Variants in WDR7 observed in about 807,000 individuals in gnomAD.
WDR7 encodes WD repeat domain 7.
A neutral mutation model predicts 169.4 loss-of-function variants in WDR7; 46 were observed. The ratio of observed to expected loss-of-function variants is 0.27; its 90% CI spans 0.21 to 0.35. The LOEUF is 0.35. WDR7 is among the 10% of genes least tolerant of loss of function. WDR7 has a pLI of 1.00. For synonymous variants in WDR7, 612 were observed against 666.8 expected (o/e 0.92, Z 1.27); for missense variants, 1,534 against 1,859.3 (o/e 0.83, Z 3.22).
intron 19 of WDR7, among the ~76,000 whole-genome samples, chr18:56,807,788 G>A (rs1026588699): frequency 2.6e-5 from 4 of 151,944 alleles, no homozygotes; most frequent in Admixed American, 2.0e-4. Context: ...AAGACATTCT[G>A]CTTATTTTAA....
At chr18:56,663,263 T>C (rs971456810) in intron 1 of WDR7, among the ~76,000 whole-genome samples, 6 of 152,206 alleles carry the variant, frequency 3.9e-5, no homozygotes, top group African/African-American at 1.2e-4. Flanking sequence ...TGGGAGGACA[T>C]ACCATTCAGT....
intron 26 of WDR7, among the ~76,000 whole-genome samples, chr18:57,001,620 A>G (rs2047980885): frequency 1.3e-5 from 2 of 152,192 alleles, no homozygotes; most frequent in Admixed American, 1.3e-4. Context: ...TAGCAAATGT[A>G]TACAACCATG....
At chr18:56,744,245 GAAAAAAA>G (rs58110613) in intron 14 of WDR7, among the ~76,000 whole-genome samples, 14 of 86,884 alleles carry the variant, frequency 1.6e-4, no homozygotes, top group East Asian at 4.8e-4. Context: ...TCTCAAAAAA[GAAAAAAA>G]AAAAAAAAAA....
intron 3 of WDR7, among the ~76,000 whole-genome samples, chr18:56,680,394 T>C (rs926704356): frequency 6.6e-6 from 1 of 152,106 alleles, no homozygotes; most frequent in Admixed American, 6.5e-5. Context: ...TTCTCCCCAC[T>C]GAAGAGAACC....
chr18:57,006,416 C>T (rs2145902303), intron 26 of WDR7, among the ~76,000 whole-genome samples: 1 of 152,012 alleles, frequency 6.6e-6, no homozygotes, highest in Non-Finnish European at 1.5e-5. Context: ...ATTACCACAA[C>T]ATTTTTCATT....
At chr18:56,842,820 A>T (rs1366172874) in intron 20 of WDR7, among the ~76,000 whole-genome samples, 1 of 152,342 alleles carries the variant, frequency 6.6e-6, no homozygotes, top group East Asian at 1.9e-4. Context: ...ATTTGGTTAT[A>T]TACTTTTAGC....
chr18:57,007,749 C>A (rs1437068), intron 26 of WDR7, among the ~76,000 whole-genome samples: 94,575 of 151,976 alleles, frequency 0.62, 30,040 homozygotes, highest in Middle Eastern at 0.73. Context: ...ACAATGTGTA[C>A]AATGAGCCCA....
At chr18:56,807,669 T>G (rs1299789804) in intron 19 of WDR7, among the ~76,000 whole-genome samples, 1 of 137,676 alleles carries the variant, frequency 7.3e-6, no homozygotes, top group Non-Finnish European at 1.6e-5. Context: ...ATGAGAGCAG[T>G]TTTCTAAAAA....
intron 14 of WDR7, among the ~76,000 whole-genome samples, chr18:56,755,269 T>C (rs542457293): frequency 6.6e-6 from 1 of 152,342 alleles, no homozygotes; most frequent in Non-Finnish European, 1.5e-5. Context: ...CATTCTCATC[T>C]CAAGATCAGT....
At chr18:56,784,825 C>A in intron 19 of WDR7, among the ~76,000 whole-genome samples, 1 of 150,760 alleles carries the variant, frequency 6.6e-6, no homozygotes. Flanking sequence ...TTATGTAAGT[C>A]TTTTGTATTT....
chr18:56,707,284 C>T (rs1444679429), intron 12 of WDR7, among the ~76,000 whole-genome samples: 1 of 152,044 alleles, frequency 6.6e-6, no homozygotes. Flanking sequence ...TGCCCAGCCT[C>T]AACTGACTTT....
intron 16 of WDR7, among the ~76,000 whole-genome samples, chr18:56,769,080 A>G (rs144123186): frequency 4.6e-5 from 7 of 152,170 alleles, no homozygotes; most frequent in African/African-American, 1.7e-4. Context: ...TTTTTTATAC[A>G]GTTTATTTTT....
chr18:56,677,425 C>T (rs2144550688), intron 2 of WDR7, among the ~76,000 whole-genome samples: 1 of 152,260 alleles, frequency 6.6e-6, no homozygotes, highest in South Asian at 2.1e-4. Context: ...TCTCAACTTC[C>T]TGCAACCTCT....
At chr18:56,775,222 C>T (rs7233244) in intron 16 of WDR7, among the ~76,000 whole-genome samples, 5,831 of 152,104 alleles carry the variant, frequency 0.038, 377 homozygotes, top group African/African-American at 0.13. Context: ...TTAACACAGC[C>T]TTTCCAGGGA....
intron 5 of WDR7, among the ~76,000 whole-genome samples, chr18:56,684,763 A>T (rs182933477): frequency 9.3e-4 from 141 of 152,312 alleles, no homozygotes; most frequent in Middle Eastern, 3.4e-3. Flanking sequence ...CTCTGGTTAA[A>T]TATATTTGGG....
At chr18:56,806,774 A>G (rs1487485357) in intron 19 of WDR7, among the ~76,000 whole-genome samples, 1 of 152,180 alleles carries the variant, frequency 6.6e-6, no homozygotes, top group Non-Finnish European at 1.5e-5. Flanking sequence ...TCTCTGGTAT[A>G]GGGCTTGTTG....
intron 20 of WDR7, among the ~76,000 whole-genome samples, chr18:56,836,141 A>T (rs1418380478): frequency 1.3e-5 from 2 of 152,206 alleles, no homozygotes; most frequent in African/African-American, 4.8e-5. Flanking sequence ...GAGTGGTTAG[A>T]ACCAAACTTA....
intron 26 of WDR7, among the ~76,000 whole-genome samples, chr18:56,998,632 A>G (rs1009870829): frequency 2.0e-5 from 3 of 152,230 alleles, no homozygotes; most frequent in African/African-American, 4.8e-5. Context: ...GTCCACTTCA[A>G]TGAGTTTGCC....
chr18:56,961,964 A>T (rs2047344759), intron 25 of WDR7, among the ~76,000 whole-genome samples: 1 of 152,152 alleles, frequency 6.6e-6, no homozygotes, highest in Non-Finnish European at 1.5e-5. Context: ...AAACAATCAT[A>T]AATAGAGTAA....
Sources: allele counts gnomAD v4.1 joint callset (sites outside exome capture counted in the v4.1 genomes callset), GRCh38; gene constraint gnomAD v4.1.1; transcripts MANE v1.5; gene names NCBI Gene and HGNC (gene_info 2026-07-23, HGNC 2026-07-21).